Variants in IGF2R observed in about 807,000 individuals in gnomAD.
The protein encoded by IGF2R is insulin like growth factor 2 receptor.
A neutral mutation model predicts 270.6 loss-of-function variants in IGF2R; 91 were observed. The ratio of observed to expected loss-of-function variants is 0.34; its 90% CI spans 0.28 to 0.40. The LOEUF is 0.40. Ranked by LOEUF, IGF2R falls within the 10% of genes least tolerant of loss-of-function variation. The pLI is 1.00. For missense variants in IGF2R, 2,805 were observed against 3,188.3 expected, an observed-to-expected ratio of 0.88 and a Z score of 2.90; for synonymous variants, 1,316 against 1,258.9, an observed-to-expected ratio of 1.05 and a Z score of -0.96.
chr6:160,078,599 CT>C (rs1438315880), intron 37 of IGF2R, among the ~76,000 whole-genome samples: 2 of 152,172 alleles, frequency 1.3e-5, no homozygotes, highest in Admixed American at 1.3e-4. Context: ...GCACTTAACG[CT>C]TTTTGATGAT....
chr6:160,042,164 A>G (rs183480258), intron 11 of IGF2R, among the ~76,000 whole-genome samples: 5 of 152,254 alleles, frequency 3.3e-5, no homozygotes, highest in African/African-American at 9.6e-5. Context: ...TTATGAAGGG[A>G]GAGCTAAAAC....
rs945501786 is a variant in IGF2R, at chr6:160,043,385, C to T, written c.1621+97C>T. On this transcript the variant is annotated intron_variant, in intron 12 of 47. Coordinates refer to ENST00000356956, the MANE Select transcript of IGF2R (RefSeq NM_000876.4). ...TCTTTCTGTGGTTCATCTAAGCCTC[C>T]TCTTTCTATAATCACATGAAGGATG... 9.0e-6 allele frequency: 12 copies of T among 1,328,362 alleles called. No homozygotes were observed. In the Admixed American group the frequency reaches 3.0e-4, roughly 33 times the overall value. The allele number at this position is 1,328,362 out of a possible 1,614,324, so 82.3% of individuals were successfully genotyped here. A position where few individuals can be genotyped will look rare whatever the true frequency, so the allele number is the denominator to read the frequency against.
chr6:160,045,644 C>A, intron 13 of IGF2R, 101 bp from the exon 14 acceptor site: 1 of 1,432,996 alleles, frequency 7.0e-7, no homozygotes, highest in Non-Finnish European at 9.8e-7. Flanking sequence ...TACCTCATTT[C>A]CCACTGTCCC....
At position 160,058,098 on chromosome 6, in the gene IGF2R, G is replaced by A. The variant is rs917236520; in HGVS notation, c.2872G>A (p.Val958Ile). ...NPLNSSQGYN[V>I]SGIGKIFMFN... is the part of the protein sequence containing the mutation. ...GCTAAACAGTTCGCAAGGATATAAC[G>A]TCTCTGGCATTGGGAAGATTTTTAT... The change falls in exon 21 of 48, where the codon GTC becomes ATC. Residue 958 changes from valine (V) to isoleucine (I), a missense_variant. Val to Ile is a conservative substitution (Grantham distance 29). Coordinates refer to ENST00000356956, the MANE Select transcript of IGF2R (RefSeq NM_000876.4). The A allele has an allele frequency of 2.5e-6, 4 of 1,611,966 alleles. No homozygotes were observed. Among genetic ancestry groups the A allele is most frequent in the South Asian group, 1.1e-5 (1 of 91,034 alleles).
intron 1 of IGF2R, among the ~76,000 whole-genome samples, chr6:159,977,234 G>T (rs761320370): frequency 6.6e-6 from 1 of 152,176 alleles, no homozygotes; most frequent in African/African-American, 2.4e-5. Flanking sequence ...CAGTTTCTTT[G>T]GTTTGAGTTT....
intron 45 of IGF2R, among the ~76,000 whole-genome samples, chr6:160,098,005 A>G (rs1779404460): frequency 6.6e-6 from 1 of 152,220 alleles, no homozygotes; most frequent in Non-Finnish European, 1.5e-5. Context: ...ACAAAATGAA[A>G]GGATTGAAAC....
rs749863347 is a variant in IGF2R, at chr6:160,063,610, A to G, written c.3866A>G (p.Gln1289Arg). 1 of 1,614,118 alleles carries G rather than the reference A, an allele frequency of 6.2e-7. No homozygotes were observed. The highest frequency in any genetic ancestry group is 1.1e-5 in the South Asian group (1 of 91,080). Reference sequence around the variant, plus strand: ...TCATGTCAGGAAAAGCGGGAACCGCAGGGATTTCACAAAGTGGCAGGTACC... The same window carrying G: ...TCATGTCAGGAAAAGCGGGAACCGCGGGGATTTCACAAAGTGGCAGGTACC... The part of the protein sequence containing the change: ...VSSCQEKREP[Q>R]GFHKVAGLLT... Residue 1289 changes from glutamine (Q) to arginine (R), a missense_variant, in exon 27 of 48, where the codon CAG (glutamine) becomes CGG (arginine). Physicochemically the swap from Gln to Arg is conservative, Grantham distance 43. Coordinates refer to ENST00000356956, the MANE Select transcript of IGF2R (RefSeq NM_000876.4).
At chr6:160,096,703 C>A in intron 45 of IGF2R, 78 bp downstream of exon 45, 4 of 1,199,538 alleles carry the variant, frequency 3.3e-6, no homozygotes, top group South Asian at 1.7e-5. Context: ...GTTTTTTCCC[C>A]AATGTTTTCT....
chr6:159,972,986 G>T (rs1346720612), intron 1 of IGF2R, among the ~76,000 whole-genome samples: 1 of 152,192 alleles, frequency 6.6e-6, no homozygotes, highest in Non-Finnish European at 1.5e-5. Context: ...TGATTCTTAT[G>T]CAGGTATTTC....
At chr6:160,068,093 T>C (rs1778628682) in intron 29 of IGF2R, among the ~76,000 whole-genome samples, 156 bp from the exon 30 acceptor site, 1 of 151,774 alleles carries the variant, frequency 6.6e-6, no homozygotes, top group Admixed American at 6.6e-5. Context: ...TGTGTGTGTG[T>C]GTGTGTGTGT....
intron 1 of IGF2R, among the ~76,000 whole-genome samples, chr6:159,971,821 A>AT (rs1783613597): frequency 6.6e-6 from 1 of 151,986 alleles, no homozygotes; most frequent in Admixed American, 6.6e-5. Flanking sequence ...CTTATTATAT[A>AT]TTTTTTAAAA....
rs1777720087 is a variant in IGF2R at position 160,032,534 on chromosome 6, C to G, written c.883-17C>G. On this transcript the variant is annotated splice_polypyrimidine_tract_variant and intron_variant, in intron 7 of 47. Transcript: ENST00000356956. The stretch of plus-strand genomic sequence containing the variant: ...GAAACATTTTTTATTTTGCTTCTTT[C>G]ACATTGTTCCTGATAGGGCACCATT... The G allele has an allele frequency of 1.9e-6, 3 of 1,605,476 alleles. No homozygotes were observed. The highest frequency in any genetic ancestry group is 2.6e-6 in the Non-Finnish European group (3 of 1,174,732).
At chr6:160,048,593 T>G in intron 18 of IGF2R, 50 bp downstream of exon 18, 1 of 1,568,912 alleles carries the variant, frequency 6.4e-7, no homozygotes, top group African/African-American at 1.4e-5. Flanking sequence ...ATTCCATGAC[T>G]TAGTGGGAGG....
intron 1 of IGF2R, among the ~76,000 whole-genome samples, chr6:159,983,566 T>TA (rs1320642120): frequency 1.3e-5 from 2 of 152,222 alleles, no homozygotes; most frequent in African/African-American, 4.8e-5. Flanking sequence ...CTTGTTAAAT[T>TA]AAAAAAATAG....
chr6:160,075,794 C>T, intron 35 of IGF2R, 53 bp from the exon 36 acceptor site: 2 of 1,586,770 alleles, frequency 1.3e-6, no homozygotes, highest in South Asian at 2.2e-5. Flanking sequence ...ATTCCACTAA[C>T]CTTGGGAATG....
At chr6:159,970,257 A>G (rs967489532) in intron 1 of IGF2R, among the ~76,000 whole-genome samples, 4 of 152,212 alleles carry the variant, frequency 2.6e-5, no homozygotes, top group Non-Finnish European at 4.4e-5. Context: ...GTTTAGGATG[A>G]TGGAAAATTC....
intron 45 of IGF2R, among the ~76,000 whole-genome samples, chr6:160,096,834 C>T (rs1024541221): frequency 1.6e-4 from 24 of 152,280 alleles, no homozygotes; most frequent in Middle Eastern, 6.8e-3. Flanking sequence ...TCCATGGCTG[C>T]GTCACCTCCC....
At chr6:160,015,022 T>G (rs1777253327) in intron 4 of IGF2R, among the ~76,000 whole-genome samples, 1 of 152,224 alleles carries the variant, frequency 6.6e-6, no homozygotes, top group Non-Finnish European at 1.5e-5. Flanking sequence ...TTTGAGGCTG[T>G]GAGTAGGTGT....
chr6:160,101,512 T>C (rs1205391895), intron 45 of IGF2R, among the ~76,000 whole-genome samples: 4 of 152,272 alleles, frequency 2.6e-5, no homozygotes, highest in African/African-American at 4.8e-5. Context: ...AGCTGAACTT[T>C]GAGAGCGGCA....
Sources: gnomAD v4.1 joint callset for allele counts (sites outside exome capture counted in the v4.1 genomes callset) on GRCh38, gnomAD v4.1.1 for gene constraint, MANE v1.5 for transcripts, NCBI Gene and HGNC (gene_info 2026-07-23, HGNC 2026-07-21) for gene names.